ZNF395: variants seen among roughly 807,000 people sequenced by gnomAD.
ZNF395 encodes the protein HD gene regulatory region-binding protein 2.
A neutral mutation model predicts 57.7 loss-of-function variants in ZNF395; 20 were observed. The ratio of observed to expected loss-of-function variants is 0.35; its 90% confidence interval spans 0.24 to 0.50. ZNF395 has a LOEUF of 0.50. Among genes scored for constraint, ZNF395 ranks in the 20% least tolerant of loss-of-function variants. The probability of loss-of-function intolerance (pLI) is 0.97; values close to 1 mark genes in which losing one functional copy is unlikely to be tolerated. For synonymous variants in ZNF395, 295 were observed against 275.9 expected (o/e 1.07, Z -0.69); for missense variants, 606 against 671.2 (o/e 0.90, Z 1.07).
rs1215210473 is a variant in ZNF395 at position 28,361,229 on chromosome 8, G to A, written c.-58-47C>T. ...CAGGAGGGAGCCCCACACAGCAGGA[G>A]CCAGGAAGGGTCTACTAAAATAAGT... On this transcript the variant is annotated intron_variant, in intron 1 of 9. Coordinates refer to ENST00000344423, the MANE Select transcript of ZNF395 (RefSeq NM_018660.3). 6 of 1,513,144 alleles carry A rather than the reference G, an allele frequency of 4.0e-6. No individual in the cohort carries two copies. The East Asian group carries it at 1.1e-4, about 28-fold the overall frequency. 93.7% of individuals were successfully genotyped at this position (1,513,144 alleles called of 1,614,324 possible). A position where few individuals can be genotyped will look rare whatever the true frequency, so the allele number is the denominator to read the frequency against.
intron 1 of ZNF395, among the ~76,000 whole-genome samples, chr8:28,380,321 C>T (rs1158219692): frequency 6.6e-6 from 1 of 152,168 alleles, no homozygotes; most frequent in African/African-American, 2.4e-5. Flanking sequence ...AAATTCATCC[C>T]TTACTGAATT....
At position 28,352,500 on chromosome 8, in the gene ZNF395, G is replaced by C. The variant is rs747747190; in HGVS notation, c.920+73C>G. Reference sequence around the variant, plus strand: ...TTCCTGAAAGCACTGTGGGCTGTGGGTCACAGGGACTCGGCAGGGTGGAGG... The same window carrying C: ...TTCCTGAAAGCACTGTGGGCTGTGGCTCACAGGGACTCGGCAGGGTGGAGG... On this transcript the variant is annotated intron_variant, in intron 6 of 9. Coordinates refer to ENST00000344423, the MANE Select transcript of ZNF395 (RefSeq NM_018660.3). This position sits in a 1 kb window ranked among gnomAD's most constrained non-coding sequence, Gnocchi z 4.0. The C allele has an allele frequency of 1.6e-5, 22 of 1,372,508 alleles. No homozygotes were observed. Among genetic ancestry groups the C allele is most frequent in the Non-Finnish European group, 2.3e-5 (22 of 971,092 alleles). The allele number at this position is 1,372,508 out of a possible 1,614,324, so 85.0% of individuals were successfully genotyped here.
intron 1 of ZNF395, among the ~76,000 whole-genome samples, chr8:28,372,366 T>C (rs1190488280): frequency 6.6e-6 from 1 of 152,082 alleles, no homozygotes; most frequent in Non-Finnish European, 1.5e-5. Context: ...TGAAAAAAAG[T>C]AGACACCAAA....
intron 1 of ZNF395, among the ~76,000 whole-genome samples, chr8:28,380,907 G>A (rs1003493496): frequency 8.0e-5 from 12 of 150,792 alleles, no homozygotes; most frequent in African/African-American, 2.2e-4. Flanking sequence ...GTGCAATGAC[G>A]TGATCTCAGC....
chr8:28,349,920 T>C, intron 8 of ZNF395, 144 bp downstream of exon 8: 4 of 687,848 alleles, frequency 5.8e-6, no homozygotes, highest in Non-Finnish European at 9.1e-6. Context: ...AAGGACATCT[T>C]CAACACGTTT....
At position 28,361,061 on chromosome 8, in the gene ZNF395, G is replaced by A. The variant is rs1321360820; in HGVS notation, c.64C>T (p.Pro22Ser). 1 of 1,612,394 alleles carries A rather than the reference G, an allele frequency of 6.2e-7. No homozygotes were observed. Among genetic ancestry groups the A allele is most frequent in the Admixed American group, 1.7e-5 (1 of 59,904 alleles). The change falls in exon 2 of 10, where the codon CCC becomes TCC. Residue 22 changes from proline (P) to serine (S), a missense_variant. Coordinates refer to ENST00000344423, the MANE Select transcript of ZNF395 (RefSeq NM_018660.3). ...RSLLGARVLG[P>S]SASEGPSAAP... ...GCCGAGGGCCCCTCCGAGGCACTGGGTCCCAACACCCGGGCTCCCAGGAGG... is the reference window on the plus strand; with the variant it reads ...GCCGAGGGCCCCTCCGAGGCACTGGATCCCAACACCCGGGCTCCCAGGAGG...
chr8:28,370,298 C>A (rs891803891), intron 1 of ZNF395, among the ~76,000 whole-genome samples: 4 of 152,084 alleles, frequency 2.6e-5, no homozygotes, highest in East Asian at 1.9e-4. Flanking sequence ...AGAAGACAGG[C>A]ACCATCGGGG....
At chr8:28,373,256 C>T (rs934841623) in intron 1 of ZNF395, among the ~76,000 whole-genome samples, 4 of 152,208 alleles carry the variant, frequency 2.6e-5, no homozygotes, top group East Asian at 1.9e-4. Flanking sequence ...AAGCTGTCTT[C>T]GGGAAGGGCA....
chr8:28,375,910 G>A (rs568649025), intron 1 of ZNF395, among the ~76,000 whole-genome samples: 3 of 152,176 alleles, frequency 2.0e-5, no homozygotes, highest in Admixed American at 1.3e-4. Flanking sequence ...GAATGCGGGT[G>A]TTTTTACTAA....
intron 1 of ZNF395, among the ~76,000 whole-genome samples, chr8:28,366,329 A>G (rs1359949633): frequency 6.6e-6 from 1 of 152,120 alleles, no homozygotes; most frequent in Non-Finnish European, 1.5e-5. Context: ...TTAATATTTA[A>G]CCATATCATT....
At chr8:28,373,065 A>T (rs1022886118) in intron 1 of ZNF395, among the ~76,000 whole-genome samples, 1 of 152,232 alleles carries the variant, frequency 6.6e-6, no homozygotes, top group Non-Finnish European at 1.5e-5. Flanking sequence ...TGAAGTGCAC[A>T]CTGCATTTGG....
rs1801620060 is a variant in ZNF395 at position 28,347,539 on chromosome 8, C to G, written c.*1180G>C. The G allele has an allele frequency of 6.6e-6, 1 of 152,372 alleles. No homozygotes were observed. The highest frequency in any genetic ancestry group is 1.5e-5 in the Non-Finnish European group (1 of 68,230). 9.4% of individuals were successfully genotyped at this position (152,372 alleles called of 1,614,324 possible). A position where few individuals can be genotyped will look rare whatever the true frequency, so the allele number is the denominator to read the frequency against. On this transcript the variant is annotated 3_prime_UTR_variant, in exon 10 of 10. Transcript: ENST00000344423. ...CACGCAGCCCAGGCTCCCCTAGATC[C>G]CTGGAGGCTCCAGAAACACCAAGGG...
rs2129943995 is a variant in ZNF395 at position 28,352,824 on chromosome 8, C to T, written c.820-151G>A. On this transcript the variant is annotated intron_variant, in intron 5 of 9. Coordinates refer to ENST00000344423, the MANE Select transcript of ZNF395 (RefSeq NM_018660.3). The surrounding 1 kb of genome is among the most constrained non-coding windows in gnomAD (Gnocchi z 4.0). Reference sequence around the variant, plus strand: ...GGTTCTCTGGGACCAGAGAAACTTACAACCAGGGGCTAGAAAGCCCCAATC... The same window carrying T: ...GGTTCTCTGGGACCAGAGAAACTTATAACCAGGGGCTAGAAAGCCCCAATC... The T allele has an allele frequency of 6.1e-6, 4 of 658,050 alleles. 1 individual carries two copies. The highest frequency in any genetic ancestry group is 5.7e-5 in the South Asian group (3 of 52,492). 40.8% of individuals were successfully genotyped at this position (658,050 alleles called of 1,614,324 possible).
intron 1 of ZNF395, among the ~76,000 whole-genome samples, chr8:28,375,825 T>G (rs909541785): frequency 1.3e-5 from 2 of 152,080 alleles, no homozygotes; most frequent in Non-Finnish European, 2.9e-5. Flanking sequence ...AGCAATTCAT[T>G]TTCAGCAGAA....
rs186961321 is a variant in ZNF395 at position 28,351,161 on chromosome 8, A to T, written c.1233+334T>A. The stretch of plus-strand genomic sequence containing the variant: ...TCTGTCCACAGAACACAATTCTAGG[A>T]CCTAGACGTCACGTGGGAAGCCCAA... On this transcript the variant is annotated intron_variant, in intron 7 of 9. Transcript: ENST00000344423. Among the ~76,000 whole-genome samples, 20 of 152,170 alleles carry T rather than the reference A, an allele frequency of 1.3e-4. No individual in the cohort carries two copies. The East Asian group carries it at 3.5e-3, about 27-fold the overall frequency.
chr8:28,358,275 A>G (rs1481176818), intron 3 of ZNF395, among the ~76,000 whole-genome samples: 3 of 149,678 alleles, frequency 2.0e-5, no homozygotes, highest in Non-Finnish European at 4.4e-5. Context: ...ATGCCCAGCT[A>G]ATTTTTCTAT....
chr8:28,372,403 T>C (rs1235531010), intron 1 of ZNF395, among the ~76,000 whole-genome samples: 1 of 152,028 alleles, frequency 6.6e-6, no homozygotes, highest in Non-Finnish European at 1.5e-5. Flanking sequence ...GCCAAACCTA[T>C]CGGAAAATTA....
intron 1 of ZNF395, among the ~76,000 whole-genome samples, chr8:28,381,500 T>C (rs1462896223): frequency 6.6e-6 from 1 of 152,218 alleles, no homozygotes; most frequent in African/African-American, 2.4e-5. Context: ...TTTAAATAAC[T>C]GATTTTAGTC....
chr8:28,380,604 G>A (rs1011354173), intron 1 of ZNF395, among the ~76,000 whole-genome samples: 2 of 152,130 alleles, frequency 1.3e-5, no homozygotes, highest in African/African-American at 4.8e-5. Context: ...ACACCATCCA[G>A]CCCACGTCTT....
Sources: allele counts gnomAD v4.1 joint callset (sites outside exome capture counted in the v4.1 genomes callset), GRCh38; gene constraint gnomAD v4.1.1; non-coding constraint Gnocchi (gnomAD v3.1); transcripts MANE v1.5; gene names NCBI Gene and HGNC (gene_info 2026-07-23, HGNC 2026-07-21).